Variants in GALNTL6 observed in about 807,000 individuals in gnomAD.
GALNTL6 encodes the protein polypeptide N-acetylgalactosaminyltransferase like 6, also known as polypeptide N-acetylgalactosaminyltransferase-like 6.
Under a neutral mutation model 73.7 loss-of-function variants are expected in GALNTL6, and 46 were observed. The ratio of observed to expected loss-of-function variants is 0.62; its 90% confidence interval spans 0.49 to 0.80. The LOEUF (loss-of-function observed/expected upper bound fraction) is 0.80, where lower values mean the gene tolerates loss of function less well. Ranked by LOEUF, GALNTL6 falls within the 30% of genes least tolerant of loss-of-function variation. The probability of loss-of-function intolerance (pLI) is 0.00; values close to 1 mark genes in which losing one functional copy is unlikely to be tolerated. For synonymous variants in GALNTL6, 259 were observed against 263.7 expected (o/e 0.98, Z 0.17); for missense variants, 604 against 755.0 (o/e 0.80, Z 2.34).
intron 2 of GALNTL6, among the ~76,000 whole-genome samples, chr4:172,167,348 T>A (rs1432744873): frequency 6.6e-6 from 1 of 152,202 alleles, no homozygotes; most frequent in African/African-American, 2.4e-5. Flanking sequence ...GCATGTATAA[T>A]AATTTAGAAG....
At chr4:171,964,127 A>C (rs1006825518) in intron 2 of GALNTL6, among the ~76,000 whole-genome samples, 2 of 151,696 alleles carry the variant, frequency 1.3e-5, no homozygotes, top group African/African-American at 4.8e-5. Flanking sequence ...GGCTCTGAGA[A>C]CTGGCACAAA....
At chr4:171,903,424 C>G (rs568449210) in intron 2 of GALNTL6, among the ~76,000 whole-genome samples, 1 of 152,206 alleles carries the variant, frequency 6.6e-6, no homozygotes, top group East Asian at 1.9e-4. Flanking sequence ...CCAAATACTG[C>G]GCTTTGCCGA....
intron 3 of GALNTL6, among the ~76,000 whole-genome samples, chr4:172,303,502 A>G (rs1740015602): frequency 6.6e-6 from 1 of 152,162 alleles, no homozygotes; most frequent in African/African-American, 2.4e-5. Flanking sequence ...ATCTCTCAGT[A>G]TCATGTCTGT....
intron 7 of GALNTL6, among the ~76,000 whole-genome samples, chr4:172,868,709 A>C (rs1744780298): frequency 6.6e-6 from 1 of 152,228 alleles, no homozygotes; most frequent in African/African-American, 2.4e-5. Flanking sequence ...TGTGCTGGGC[A>C]CCCGTGGGAC....
At chr4:172,316,744 A>G (rs553766973) in intron 4 of GALNTL6, among the ~76,000 whole-genome samples, 33 of 152,198 alleles carry the variant, frequency 2.2e-4, no homozygotes, top group Non-Finnish European at 4.4e-4. Context: ...TTGCAATTCT[A>G]TTGGTGAGCA....
At chr4:172,865,541 G>A (rs570609131) in intron 7 of GALNTL6, among the ~76,000 whole-genome samples, 4 of 152,160 alleles carry the variant, frequency 2.6e-5, no homozygotes, top group South Asian at 2.1e-4. Context: ...AATATTAGAC[G>A]TTTGATTAAT....
intron 5 of GALNTL6, among the ~76,000 whole-genome samples, chr4:172,429,856 T>A (rs1385913615): frequency 6.6e-6 from 1 of 152,144 alleles, no homozygotes; most frequent in Non-Finnish European, 1.5e-5. Context: ...TTTTAAAATG[T>A]ATGATGAATA....
intron 5 of GALNTL6, among the ~76,000 whole-genome samples, chr4:172,789,319 G>A (rs1703149412): frequency 6.6e-6 from 1 of 152,208 alleles, no homozygotes; most frequent in African/African-American, 2.4e-5. Flanking sequence ...TATAAAGCAA[G>A]CTTGTCCAAT....
chr4:172,116,965 T>C (rs1161534315), intron 2 of GALNTL6, among the ~76,000 whole-genome samples: 2 of 152,204 alleles, frequency 1.3e-5, no homozygotes, highest in African/African-American at 4.8e-5. Context: ...TTAATCTGTT[T>C]ATATTATTCT....
chr4:172,189,523 G>A (rs1379550881), intron 2 of GALNTL6, among the ~76,000 whole-genome samples: 1 of 152,110 alleles, frequency 6.6e-6, no homozygotes, highest in East Asian at 1.9e-4. Flanking sequence ...TACAAACAGT[G>A]ATGGGGTTAC....
intron 9 of GALNTL6, among the ~76,000 whole-genome samples, chr4:172,940,288 G>T (rs1210365224): frequency 6.6e-6 from 1 of 150,446 alleles, no homozygotes; most frequent in Non-Finnish European, 1.5e-5. Flanking sequence ...TGGACTGGTT[G>T]CAGTAAACAC....
intron 5 of GALNTL6, among the ~76,000 whole-genome samples, chr4:172,453,056 C>T (rs954345730): frequency 3.9e-5 from 6 of 152,118 alleles, no homozygotes; most frequent in Non-Finnish European, 4.4e-5. Context: ...ACAAAACTAC[C>T]TGGGCGTGGT....
In GALNTL6 at chr4:171,961,665, A is replaced by G. The variant is rs1027195500; in HGVS notation, c.138+146947A>G. Among the ~76,000 whole-genome samples, 4 of 152,332 alleles carry G rather than the reference A, an allele frequency of 2.6e-5. No individual in the cohort carries two copies. The East Asian group carries it at 7.7e-4, about 29-fold the overall frequency. On this transcript the variant is annotated intron_variant, in intron 2 of 12. Transcript: ENST00000506823. ...ACACCTGTTATTAGATTTCAGTTTC[A>G]TCAGTTGTTTTTGAGTTTTTTCTAC...
At chr4:172,033,140 C>G (rs1560893384) in intron 2 of GALNTL6, among the ~76,000 whole-genome samples, 2 of 151,662 alleles carry the variant, frequency 1.3e-5, no homozygotes, top group African/African-American at 2.4e-5. Flanking sequence ...GGAACTAAAG[C>G]TGTTCCAAAC....
chr4:172,611,068 T>C (rs908264995), intron 5 of GALNTL6, among the ~76,000 whole-genome samples: 1 of 152,114 alleles, frequency 6.6e-6, no homozygotes, highest in Non-Finnish European at 1.5e-5. Flanking sequence ...TTTGAGCCTA[T>C]GGATGTCATT....
At chr4:172,638,141 A>G (rs1739781100) in intron 5 of GALNTL6, among the ~76,000 whole-genome samples, 1 of 152,140 alleles carries the variant, frequency 6.6e-6, no homozygotes, top group African/African-American at 2.4e-5. Context: ...AACCACACAC[A>G]CATGCACACA....
intron 3 of GALNTL6, among the ~76,000 whole-genome samples, chr4:172,261,536 A>G (rs1403436305): frequency 6.6e-6 from 1 of 150,492 alleles, no homozygotes; most frequent in African/African-American, 2.4e-5. Context: ...ATCACTTTTG[A>G]TTATTTTTTC....
intron 5 of GALNTL6, among the ~76,000 whole-genome samples, chr4:172,536,204 A>G (rs540588630): frequency 1.3e-5 from 2 of 152,306 alleles, no homozygotes; most frequent in African/African-American, 4.8e-5. Context: ...TTTTCATTAT[A>G]AATTACCCAG....
At chr4:172,542,375 A>T (rs925530892) in intron 5 of GALNTL6, among the ~76,000 whole-genome samples, 4 of 152,084 alleles carry the variant, frequency 2.6e-5, no homozygotes, top group African/African-American at 9.7e-5. Context: ...GCAAGCTCCC[A>T]GCTTGCTTGT....
Sources: gnomAD v4.1 joint callset for allele counts (sites outside exome capture counted in the v4.1 genomes callset) on GRCh38, gnomAD v4.1.1 for gene constraint, MANE v1.5 for transcripts, NCBI Gene and HGNC (gene_info 2026-07-23, HGNC 2026-07-21) for gene names.